FMN1: variants seen among roughly 807,000 people sequenced by gnomAD.
The protein encoded by FMN1 is formin-1.
FMN1 carries 110 observed loss-of-function variants against 132.4 expected under a neutral mutation model. That is an observed-to-expected ratio of 0.83 (90% CI 0.71 to 0.97). The LOEUF is 0.97. Ranked by LOEUF, FMN1 falls within the 50% of genes least tolerant of loss-of-function variation. The pLI is 0.00. For missense variants in FMN1, 1,792 were observed against 1,705.3 expected, an observed-to-expected ratio of 1.05 and a Z score of -0.90; for synonymous variants, 722 against 651.7, an observed-to-expected ratio of 1.11 and a Z score of -1.64.
intron 5 of FMN1, 28 bp from the exon 6 acceptor site, chr15:33,065,102 T>C (rs1218759680): frequency 4.7e-6 from 7 of 1,498,654 alleles, no homozygotes; most frequent in African/African-American, 1.4e-5. Flanking sequence ...AAATAGTAAG[T>C]GGAATGTAGT....
At chr15:32,889,574 G>A (rs563566222) in intron 15 of FMN1, among the ~76,000 whole-genome samples, 2 of 152,142 alleles carry the variant, frequency 1.3e-5, no homozygotes, top group East Asian at 3.9e-4. Context: ...ACAATCTCTT[G>A]CTTCTAGGCC....
chr15:32,849,684 A>C (rs2058961106), intron 17 of FMN1, among the ~76,000 whole-genome samples: 1 of 150,666 alleles, frequency 6.6e-6, no homozygotes, highest in East Asian at 2.0e-4. Context: ...TTTTTGGAGG[A>C]GTCTCACTGT....
At chr15:33,075,606 T>C (rs918535644) in intron 5 of FMN1, among the ~76,000 whole-genome samples, 1 of 152,228 alleles carries the variant, frequency 6.6e-6, no homozygotes, top group African/African-American at 2.4e-5. Context: ...TGACAAAGTT[T>C]GCCCTGTTCT....
intron 6 of FMN1, among the ~76,000 whole-genome samples, chr15:33,057,851 A>T (rs904816617): frequency 1.6e-4 from 25 of 152,170 alleles, no homozygotes; most frequent in Admixed American, 1.6e-3. Flanking sequence ...AAAAATTGTT[A>T]TTTACAATTT....
At chr15:32,961,041 C>A (rs1428393445) in intron 9 of FMN1, among the ~76,000 whole-genome samples, 1 of 142,142 alleles carries the variant, frequency 7.0e-6, no homozygotes, top group Non-Finnish European at 1.5e-5. Context: ...TGGTATCATT[C>A]AATATTACAT....
At chr15:32,841,501 C>G (rs1484084340) in intron 17 of FMN1, among the ~76,000 whole-genome samples, 1 of 152,078 alleles carries the variant, frequency 6.6e-6, no homozygotes, top group Admixed American at 6.5e-5. Flanking sequence ...TTAGAAATGG[C>G]TTTTAACTAT....
chr15:32,854,114 G>A (rs919232271), intron 17 of FMN1, among the ~76,000 whole-genome samples: 3 of 151,946 alleles, frequency 2.0e-5, no homozygotes, highest in Non-Finnish European at 4.4e-5. Context: ...AATATTAATC[G>A]TTTTATTTAT....
At chr15:32,823,088 G>A (rs1330386283) in intron 17 of FMN1, among the ~76,000 whole-genome samples, 5 of 148,728 alleles carry the variant, frequency 3.4e-5, no homozygotes, top group African/African-American at 1.3e-4. Context: ...AAGGCACTGC[G>A]CCCTTTCTCT....
In FMN1 at chr15:33,163,121, T is replaced by C. The variant is rs1199809163; in HGVS notation, c.-131-8076A>G. 2.0e-5 allele frequency among the ~76,000 whole-genome samples: 3 copies of C among 151,858 alleles called. No homozygotes were observed. In the East Asian group the frequency reaches 5.8e-4, roughly 29 times the overall value. ...CAGCCTGGGTGACAGAGTGAGACACTGCTTCAAAAAAAAGATATGTTACAG... is the reference window on the plus strand; with the variant it reads ...CAGCCTGGGTGACAGAGTGAGACACCGCTTCAAAAAAAAGATATGTTACAG... On this transcript the variant is annotated intron_variant, in intron 3 of 20. Transcript: ENST00000616417.
intron 6 of FMN1, among the ~76,000 whole-genome samples, chr15:33,030,569 A>AT: frequency 6.6e-6 from 1 of 152,342 alleles, no homozygotes; most frequent in East Asian, 1.9e-4. Flanking sequence ...CAAACAAATG[A>AT]TAACACTAAA....
intron 4 of FMN1, among the ~76,000 whole-genome samples, chr15:33,104,406 T>A (rs986422929): frequency 6.6e-6 from 1 of 152,140 alleles, no homozygotes; most frequent in African/African-American, 2.4e-5. Flanking sequence ...TGCTAAGGAA[T>A]AGAAGCACCA....
chr15:33,024,221 AGATTTTTTTTTTTTTTTTT>A (rs2035558529), intron 6 of FMN1, among the ~76,000 whole-genome samples: 1 of 120,160 alleles, frequency 8.3e-6, no homozygotes, highest in African/African-American at 3.0e-5. Context: ...CACACCTATC[AGATTTTTTTTTTTTTTTTT>A]TTTTTTTTTT....
chr15:33,036,911 C>A (rs890147822), intron 6 of FMN1, among the ~76,000 whole-genome samples: 1 of 152,126 alleles, frequency 6.6e-6, no homozygotes, highest in Admixed American at 6.5e-5. Flanking sequence ...ATTCATTTGG[C>A]AAATATTTTT....
intron 6 of FMN1, among the ~76,000 whole-genome samples, chr15:33,028,598 G>T (rs2035791348): frequency 6.6e-6 from 1 of 151,988 alleles, no homozygotes; most frequent in Non-Finnish European, 1.5e-5. Flanking sequence ...CACTTTACTG[G>T]CAAAACTCAA....
chr15:33,104,697 T>C (rs2140093791), intron 4 of FMN1, among the ~76,000 whole-genome samples: 1 of 152,196 alleles, frequency 6.6e-6, no homozygotes, highest in Non-Finnish European at 1.5e-5. Context: ...CAAATAGTTT[T>C]GTGATTTTCC....
In FMN1 at chr15:33,153,237, G is replaced by C; in HGVS notation, c.1678C>G (p.Arg560Gly). Residue 560 changes from arginine (R) to glycine (G), a missense_variant, in exon 4 of 21, where the codon CGT becomes GGT. Arg to Gly is a moderately radical substitution (Grantham distance 125). Coordinates refer to ENST00000616417, the MANE Select transcript of FMN1 (RefSeq NM_001277313.2). The part of the protein sequence containing the change: ...ALNDSPCRKS[R>G]VFSGCVSADT... ...GCAGAGACGCACCCAGAGAAGACAC[G>C]GCTCTTTCTACAAGGAGAGTCATTA... is the stretch of plus-strand genomic sequence containing the variant. 6.5e-7 allele frequency: 1 copy of C among 1,536,058 alleles called. No homozygotes were observed. Among genetic ancestry groups the C allele is most frequent in the Non-Finnish European group, 8.7e-7 (1 of 1,146,882 alleles).
In FMN1 at chr15:33,153,969, G is replaced by T. The variant is rs566882134; in HGVS notation, c.946C>A (p.Pro316Thr). The change falls in exon 4 of 21, where the codon CCG becomes ACG. Residue 316 changes from proline (P) to threonine (T), a missense_variant. By Grantham distance (38) the Pro-to-Thr change is conservative. Around this residue, in one of 3 missense-constraint regions of FMN1, gnomAD observed 638 missense variants for 645.2 expected, o/e 0.99. Transcript: ENST00000616417. ...TTCTGCTTGCAAGTCCGCTTAGCCG[G>T]CTTCTCCATCTCATCCTTTTCTGCC... The part of the protein sequence containing the change: ...PEAEKDEMEK[P>T]AKRTCKQKPV... The T allele has an allele frequency of 3.4e-4, 527 of 1,536,738 alleles. 4 individuals carry two copies. In the African/African-American group the frequency reaches 6.8e-3, roughly 20 times the overall value.
chr15:33,031,650 A>G (rs2035943286), intron 6 of FMN1, among the ~76,000 whole-genome samples: 1 of 152,252 alleles, frequency 6.6e-6, no homozygotes, highest in African/African-American at 2.4e-5. Flanking sequence ...CCACAGCTGA[A>G]TAAGCAGCCA....
At chr15:33,123,239 C>T (rs1379457124) in intron 4 of FMN1, among the ~76,000 whole-genome samples, 1 of 151,964 alleles carries the variant, frequency 6.6e-6, no homozygotes, top group Non-Finnish European at 1.5e-5. Context: ...CTTTTTCTAA[C>T]TTATTTCTGT....
Sources: gnomAD v4.1 joint callset for allele counts (sites outside exome capture counted in the v4.1 genomes callset) on GRCh38, gnomAD v4.1.1 for gene constraint, gnomAD v4.1.1 regional missense constraint, MANE v1.5 for transcripts, NCBI Gene and HGNC (gene_info 2026-07-23, HGNC 2026-07-21) for gene names.